Variants in ZAP70 observed in about 807,000 individuals in gnomAD.
ZAP70 encodes tyrosine-protein kinase ZAP-70.
ZAP70 carries 27 observed loss-of-function variants against 65.8 expected under a neutral mutation model. That is an observed-to-expected ratio of 0.41 (90% CI 0.30 to 0.57). The LOEUF is 0.57. Among genes scored for constraint, ZAP70 ranks in the 20% least tolerant of loss-of-function variants. The pLI is 0.28. For synonymous variants in ZAP70, 363 were observed against 360.8 expected (o/e 1.01, Z -0.07); for missense variants, 696 against 870.5 (o/e 0.80, Z 2.52).
chr2:97,745,592 G>T, the ZAP70 span, among the ~76,000 whole-genome samples: 3 of 152,044 alleles, frequency 2.0e-5, no homozygotes, highest in Non-Finnish European at 4.4e-5. Flanking sequence ...TAAGAGAAAT[G>T]AAAATAAAAA....
downstream of ZAP70, among the ~76,000 whole-genome samples, chr2:97,741,575 C>T (rs376116542): frequency 3.7e-4 from 56 of 152,346 alleles, 1 homozygote; most frequent in Admixed American, 5.2e-4. Context: ...GAAAGCTCCC[C>T]GCCCAGGCTC....
At chr2:97,748,020 G>A in the ZAP70 span, among the ~76,000 whole-genome samples, 1 of 151,964 alleles carries the variant, frequency 6.6e-6, no homozygotes, top group Non-Finnish European at 1.5e-5. Flanking sequence ...AAACCCCAGT[G>A]TGGGAAACAC....
At chr2:97,718,818 C>T (rs1340395265) in intron 2 of ZAP70, among the ~76,000 whole-genome samples, 1 of 152,226 alleles carries the variant, frequency 6.6e-6, no homozygotes, top group Non-Finnish European at 1.5e-5. Context: ...CTACTCTGCA[C>T]CCATGGTCCT....
In ZAP70 at chr2:97,730,553, T is replaced by A. The variant is rs1346893814; in HGVS notation, c.564-2330T>A. On this transcript the variant is annotated intron_variant, in intron 4 of 13. Coordinates refer to ENST00000264972, the MANE Select transcript of ZAP70 (RefSeq NM_001079.4). Reference sequence around the variant, plus strand: ...AAGAGAGGGCAGGCCAACCTCAATGTTCAACCATTTTTCAAGCCTCTGCTT... The same window carrying A: ...AAGAGAGGGCAGGCCAACCTCAATGATCAACCATTTTTCAAGCCTCTGCTT... Among the ~76,000 whole-genome samples the A allele has an allele frequency of 3.3e-5, 5 of 152,182 alleles. No homozygotes were observed. In the East Asian group the frequency reaches 9.7e-4, roughly 29 times the overall value.
intron 9 of ZAP70, 103 bp downstream of exon 9, chr2:97,734,815 T>C: frequency 6.7e-7 from 1 of 1,482,616 alleles, no homozygotes; most frequent in Middle Eastern, 1.7e-4. Flanking sequence ...CTCACAGCAG[T>C]TTGCCTGGGA....
At chr2:97,729,737 T>A (rs1000865528) in intron 4 of ZAP70, among the ~76,000 whole-genome samples, 3 of 151,926 alleles carry the variant, frequency 2.0e-5, no homozygotes, top group African/African-American at 7.3e-5. Flanking sequence ...TTTTTTTTTT[T>A]GTAAATCAAG....
At chr2:97,718,481 G>T (rs1677034546) in intron 2 of ZAP70, among the ~76,000 whole-genome samples, 1 of 152,190 alleles carries the variant, frequency 6.6e-6, no homozygotes, top group South Asian at 2.1e-4. Context: ...AGTCCAGAAA[G>T]GCCCCAGGGG....
chr2:97,714,184 C>T (rs1676819739), intron 2 of ZAP70, among the ~76,000 whole-genome samples, 190 bp downstream of exon 2: 1 of 152,182 alleles, frequency 6.6e-6, no homozygotes, highest in African/African-American at 2.4e-5. Context: ...CTGAGGGAAG[C>T]AGCTCCCCCT....
At chr2:97,748,586 C>G in the ZAP70 span, among the ~76,000 whole-genome samples, 7 of 152,302 alleles carry the variant, frequency 4.6e-5, no homozygotes, top group South Asian at 1.4e-3. Context: ...AGACTGACCC[C>G]TGGTGGCCTC....
intron 9 of ZAP70, 154 bp from the exon 10 acceptor site, chr2:97,735,096 G>T (rs1677805501): frequency 2.3e-6 from 2 of 880,068 alleles, no homozygotes; most frequent in African/African-American, 1.7e-5. Flanking sequence ...GCTCCAGGCT[G>T]CAGGGACATT....
chr2:97,719,668 A>G (rs558509587), intron 2 of ZAP70, among the ~76,000 whole-genome samples: 5 of 152,200 alleles, frequency 3.3e-5, no homozygotes, highest in Admixed American at 2.6e-4. Context: ...TTTAGTGTCC[A>G]TTGTGTCTGT....
At chr2:97,748,446 G>A in the ZAP70 span, among the ~76,000 whole-genome samples, 4 of 152,132 alleles carry the variant, frequency 2.6e-5, no homozygotes, top group Non-Finnish European at 1.5e-5. Flanking sequence ...CATCAGGCGA[G>A]GAGGCAACAG....
intron 8 of ZAP70, 34 bp downstream of exon 8, chr2:97,733,629 C>G: frequency 6.2e-7 from 1 of 1,612,838 alleles, no homozygotes; most frequent in Non-Finnish European, 8.5e-7. Context: ...CGGGTTGGGG[C>G]TCATGCTGAG....
rs746603586 is a variant in ZAP70 at position 97,739,463 on chromosome 2, G to A, written c.1825G>A (p.Gly609Ser). ...GGCCAGCAAGGTGGAAGGGCCCCCA[G>A]GCAGCACACAGAAGGCTGAGGCTGC... Reference protein sequence around the residue: ...SLASKVEGPPGSTQKAEAACA With the variant: ...SLASKVEGPPSSTQKAEAACA Residue 609 changes from glycine (G) to serine (S), a missense_variant, in exon 14 of 14, where the codon GGC becomes AGC. This residue lies in a region of ZAP70 where 78 missense variants were observed against 88.6 expected (regional missense o/e 0.88). Transcript: ENST00000264972. 28 of 1,613,586 alleles carry A rather than the reference G, an allele frequency of 1.7e-5. No individual in the cohort carries two copies. Among genetic ancestry groups the A allele is most frequent in the Non-Finnish European group, 2.3e-5 (27 of 1,179,918 alleles).
intron 3 of ZAP70, 146 bp downstream of exon 3, chr2:97,724,584 G>A (rs887950494): frequency 1.3e-6 from 2 of 1,534,054 alleles, no homozygotes; most frequent in Non-Finnish European, 1.7e-6. Context: ...ACTGGTTGGG[G>A]AAGAACCTGA....
the ZAP70 span, among the ~76,000 whole-genome samples, chr2:97,747,828 T>G: frequency 7.7e-6 from 1 of 130,142 alleles, no homozygotes; most frequent in African/African-American, 3.0e-5. Flanking sequence ...TTTTTTTTTT[T>G]TTTTTTTTTT....
At chr2:97,746,700 C>T in the ZAP70 span, among the ~76,000 whole-genome samples, 4 of 152,038 alleles carry the variant, frequency 2.6e-5, no homozygotes, top group East Asian at 5.8e-4. Context: ...CACAAGAGCA[C>T]CAGCAACAAA....
rs1252305058 is a variant in ZAP70 at position 97,736,765 on chromosome 2, C to T, written c.1290-708C>T. On this transcript the variant is annotated intron_variant, in intron 10 of 13. Transcript: ENST00000264972. This position sits in a 1 kb window ranked among gnomAD's most constrained non-coding sequence, Gnocchi z 4.0. ...GAGGCCCTGAGGTGGTCCCGTGCCTCGTGTGGTGCGGGCAGGGAGGGGATG... is the reference window on the plus strand; with the variant it reads ...GAGGCCCTGAGGTGGTCCCGTGCCTTGTGTGGTGCGGGCAGGGAGGGGATG... Among the ~76,000 whole-genome samples, 3 of 152,078 alleles carry T rather than the reference C, an allele frequency of 2.0e-5. No homozygotes were observed. The highest frequency in any genetic ancestry group is 2.1e-4 in the South Asian group (1 of 4,814).
chr2:97,734,216 C>A (rs1677744354), intron 8 of ZAP70: 3 of 581,910 alleles, frequency 5.2e-6, no homozygotes, highest in Non-Finnish European at 8.2e-6. Flanking sequence ...CGGCCATAGG[C>A]GTACACGTAC....
Sources: allele counts gnomAD v4.1 joint callset (sites outside exome capture counted in the v4.1 genomes callset), GRCh38; gene constraint gnomAD v4.1.1; regional missense constraint gnomAD v4.1.1; non-coding constraint Gnocchi (gnomAD v3.1); transcripts MANE v1.5; gene names NCBI Gene and HGNC (gene_info 2026-07-23, HGNC 2026-07-21).